Variants in LRRTM4 observed in about 807,000 individuals in gnomAD.
The protein encoded by LRRTM4 is leucine rich repeat transmembrane neuronal 4.
Under a neutral mutation model 47.6 loss-of-function variants are expected in LRRTM4, and 25 were observed. The observed-to-expected ratio is 0.53, with a 90% CI of 0.38 to 0.73. The LOEUF is 0.73. Among genes scored for constraint, LRRTM4 ranks in the 30% least tolerant of loss-of-function variants. The pLI, the probability that LRRTM4 is intolerant of heterozygous loss-of-function variation, is 0.00. For synonymous variants in LRRTM4, 311 were observed against 269.5 expected, an observed-to-expected ratio of 1.15 and a Z score of -1.51; for missense variants, 638 against 713.4, an observed-to-expected ratio of 0.89 and a Z score of 1.20.
chr2:77,109,546 A>G (rs1221050990), intron 3 of LRRTM4, among the ~76,000 whole-genome samples: 1 of 152,192 alleles, frequency 6.6e-6, no homozygotes, highest in African/African-American at 2.4e-5. Flanking sequence ...AGGTTAAAGT[A>G]TCCCAGGATA....
chr2:77,164,848 A>T (rs1415560466), intron 3 of LRRTM4, among the ~76,000 whole-genome samples: 1 of 152,224 alleles, frequency 6.6e-6, no homozygotes. Flanking sequence ...CCAAATGCCC[A>T]CAAGAGAAAG....
chr2:76,766,825 T>C (rs1673474926), intron 3 of LRRTM4, among the ~76,000 whole-genome samples: 1 of 152,100 alleles, frequency 6.6e-6, no homozygotes, highest in Non-Finnish European at 1.5e-5. Flanking sequence ...AGGCAAGGGG[T>C]GTTTCTAAAC....
intron 3 of LRRTM4, among the ~76,000 whole-genome samples, chr2:77,387,813 A>G (rs1402513802): frequency 6.6e-6 from 1 of 152,164 alleles, no homozygotes; most frequent in Non-Finnish European, 1.5e-5. Context: ...GAAAGCATAC[A>G]GCTAATAGTT....
At chr2:76,851,215 T>G (rs1216380575) in intron 3 of LRRTM4, among the ~76,000 whole-genome samples, 1 of 152,144 alleles carries the variant, frequency 6.6e-6, no homozygotes, top group Non-Finnish European at 1.5e-5. Context: ...ATGATGGAGC[T>G]CAAGGCTCAC....
intron 3 of LRRTM4, among the ~76,000 whole-genome samples, chr2:76,837,455 C>G (rs1573190351): frequency 2.0e-5 from 3 of 151,980 alleles, no homozygotes; most frequent in East Asian, 3.9e-4. Flanking sequence ...TTTTCTAGTT[C>G]TTTTAATTGT....
At chr2:77,001,540 G>T (rs1250735530) in intron 3 of LRRTM4, among the ~76,000 whole-genome samples, 2 of 152,108 alleles carry the variant, frequency 1.3e-5, no homozygotes, top group Non-Finnish European at 2.9e-5. Context: ...TTTATGGATA[G>T]AAGGCAAGAA....
At chr2:77,202,004 G>A (rs1425247474) in intron 3 of LRRTM4, among the ~76,000 whole-genome samples, 1 of 152,094 alleles carries the variant, frequency 6.6e-6, no homozygotes, top group Admixed American at 6.6e-5. Flanking sequence ...AATGAGTCTA[G>A]GCTTTCTTGA....
intron 3 of LRRTM4, among the ~76,000 whole-genome samples, chr2:76,952,386 G>C (rs894375913): frequency 2.0e-5 from 3 of 151,874 alleles, no homozygotes; most frequent in African/African-American, 7.2e-5. Context: ...AAATGGGCAT[G>C]AACAGACATT....
intron 3 of LRRTM4, among the ~76,000 whole-genome samples, chr2:77,198,950 C>T (rs1307122635): frequency 6.6e-6 from 1 of 152,136 alleles, no homozygotes; most frequent in Non-Finnish European, 1.5e-5. Context: ...ATCAAGGACT[C>T]CAGTGGCCTG....
intron 3 of LRRTM4, among the ~76,000 whole-genome samples, chr2:77,406,444 C>T (rs1278606336): frequency 1.3e-5 from 2 of 152,090 alleles, no homozygotes; most frequent in East Asian, 1.9e-4. Context: ...ACCTCAACCT[C>T]GTGAATAGGT....
intron 3 of LRRTM4, among the ~76,000 whole-genome samples, chr2:77,295,092 C>G (rs1053638316): frequency 3.3e-4 from 50 of 152,128 alleles, no homozygotes; most frequent in Non-Finnish European, 4.3e-4. Context: ...ACTAGCATTT[C>G]TAGCCATAGT....
intron 3 of LRRTM4, among the ~76,000 whole-genome samples, chr2:76,938,527 T>C (rs1157607273): frequency 6.6e-6 from 1 of 152,158 alleles, no homozygotes; most frequent in Non-Finnish European, 1.5e-5. Flanking sequence ...GAAATGTGAT[T>C]TCACTCCTGT....
intron 3 of LRRTM4, among the ~76,000 whole-genome samples, chr2:76,938,997 T>C (rs1252818788): frequency 3.9e-5 from 6 of 152,240 alleles, no homozygotes; most frequent in African/African-American, 1.4e-4. Context: ...TTTCTGAGGT[T>C]TGTGAGTAGG....
intron 3 of LRRTM4, among the ~76,000 whole-genome samples, chr2:77,172,872 A>G (rs536362941): frequency 3.5e-4 from 53 of 152,318 alleles, no homozygotes; most frequent in African/African-American, 1.3e-3. Flanking sequence ...GTGGCTTAAC[A>G]TAAAGAAGGT....
chr2:77,481,354 G>C (rs1677695654), intron 3 of LRRTM4, among the ~76,000 whole-genome samples: 1 of 152,080 alleles, frequency 6.6e-6, no homozygotes, highest in African/African-American at 2.4e-5. Context: ...CAGCCATCTA[G>C]TTCGAGAACC....
chr2:77,090,098 G>A (rs1036275467), intron 3 of LRRTM4, among the ~76,000 whole-genome samples: 7 of 151,998 alleles, frequency 4.6e-5, no homozygotes, highest in Non-Finnish European at 7.3e-5. Context: ...TTCTTCCTCC[G>A]CCTCTGCTCC....
intron 3 of LRRTM4, among the ~76,000 whole-genome samples, chr2:76,846,474 T>C (rs1671840003): frequency 6.6e-6 from 1 of 152,200 alleles, no homozygotes; most frequent in African/African-American, 2.4e-5. Flanking sequence ...TCATTTTACA[T>C]GTATATGTAC....
chr2:76,980,481 C>T (rs752698113), intron 3 of LRRTM4, among the ~76,000 whole-genome samples: 2 of 151,942 alleles, frequency 1.3e-5, no homozygotes, highest in Non-Finnish European at 2.9e-5. Flanking sequence ...TGGAATAGTC[C>T]TACTACCTTA....
At chr2:77,476,706 C>G (rs1355819378) in intron 3 of LRRTM4, among the ~76,000 whole-genome samples, 2 of 151,834 alleles carry the variant, frequency 1.3e-5, no homozygotes, top group Non-Finnish European at 2.9e-5. Flanking sequence ...AAGCGAGGTA[C>G]AAATGTTATT....
Sources: gnomAD v4.1 joint callset for allele counts (sites outside exome capture counted in the v4.1 genomes callset) on GRCh38, gnomAD v4.1.1 for gene constraint, MANE v1.5 for transcripts, NCBI Gene and HGNC (gene_info 2026-07-23, HGNC 2026-07-21) for gene names.